The following ARHGAP20 variants were observed in gnomAD, a reference collection of about 807,000 sequenced individuals.
ARHGAP20 encodes rho GTPase-activating protein 20.
A neutral mutation model predicts 73.7 loss-of-function variants in ARHGAP20; 34 were observed. That is an observed-to-expected ratio of 0.46 (90% CI 0.35 to 0.61). ARHGAP20 has a LOEUF of 0.61. ARHGAP20 is among the 20% of genes least tolerant of loss of function. The pLI is 0.00. For synonymous variants in ARHGAP20, 523 were observed against 518.2 expected, an observed-to-expected ratio of 1.01 and a Z score of -0.13; for missense variants, 1,314 against 1,420.9, an observed-to-expected ratio of 0.92 and a Z score of 1.21.
intron 4 of ARHGAP20, among the ~76,000 whole-genome samples, chr11:110,617,893 T>A (rs750366824): frequency 1.5e-4 from 23 of 152,114 alleles, no homozygotes; most frequent in Non-Finnish European, 1.6e-4. Context: ...AAAAAGGGCA[T>A]GGCAGATTAG....
intron 1 of ARHGAP20, among the ~76,000 whole-genome samples, chr11:110,693,256 C>A (rs1320638522): frequency 6.6e-6 from 1 of 151,854 alleles, no homozygotes; most frequent in African/African-American, 2.4e-5. Context: ...AAACTACCAG[C>A]AGGTAGTTTG....
chr11:110,642,797 TGTAGAATGACTTAGGGA>T (rs1949103507), intron 2 of ARHGAP20, among the ~76,000 whole-genome samples: 1 of 152,096 alleles, frequency 6.6e-6, no homozygotes, highest in Admixed American at 6.6e-5. Context: ...ATGCTGGCTT[TGTAGAATGACTTAGGGA>T]GTCCCTCCTC....
chr11:110,705,440 T>A (rs1481039172), intron 1 of ARHGAP20, among the ~76,000 whole-genome samples: 1 of 152,200 alleles, frequency 6.6e-6, no homozygotes, highest in Non-Finnish European at 1.5e-5. Flanking sequence ...TATTTAGGTA[T>A]CTATGACTTG....
chr11:110,611,527 C>G, intron 6 of ARHGAP20, 141 bp from the exon 7 acceptor site: 1 of 460,748 alleles, frequency 2.2e-6, no homozygotes, highest in Non-Finnish European at 3.8e-6. Context: ...TTAGGTAGAA[C>G]ACAAACCTTT....
chr11:110,608,861 AAC>A lies in ARHGAP20; in HGVS notation c.775+121_775+122del, dbSNP rs1256997130. The A allele has an allele frequency of 3.2e-5, 24 of 741,074 alleles. No homozygotes were observed. In the African/African-American group the frequency reaches 3.9e-4, roughly 12 times the overall value. 45.9% of individuals were successfully genotyped at this position (741,074 alleles called of 1,614,324 possible). On this transcript the variant is annotated intron_variant, in intron 8 of 14. Transcript: ENST00000683387. ...ATCTTTGATAGATCTTTATTAAATGAACACCATGAAATTTCATATTTAATAGT... is the reference window on the plus strand; with the variant it reads ...ATCTTTGATAGATCTTTATTAAATGAACCATGAAATTTCATATTTAATAGT...
At chr11:110,652,544 G>A (rs1335773880) in intron 2 of ARHGAP20, among the ~76,000 whole-genome samples, 1 of 151,972 alleles carries the variant, frequency 6.6e-6, no homozygotes, top group Non-Finnish European at 1.5e-5. Context: ...AAGTCTTCAG[G>A]ATATAAAATA....
chr11:110,630,817 T>C, intron 2 of ARHGAP20, 25 bp from the exon 3 acceptor site: 1 of 1,604,554 alleles, frequency 6.2e-7, no homozygotes, highest in Non-Finnish European at 8.5e-7. Context: ...ATGCCACAGA[T>C]CAGTCAAACG....
At chr11:110,689,343 C>T (rs1222444035) in intron 2 of ARHGAP20, among the ~76,000 whole-genome samples, 1 of 151,848 alleles carries the variant, frequency 6.6e-6, no homozygotes, top group Non-Finnish European at 1.5e-5. Flanking sequence ...GTTGGTGAAG[C>T]CTTCACTTTA....
chr11:110,584,910 T>TATATATGA (rs1287369317), intron 12 of ARHGAP20, among the ~76,000 whole-genome samples: 2 of 149,442 alleles, frequency 1.3e-5, no homozygotes, highest in African/African-American at 4.9e-5. Flanking sequence ...TATGTGAATA[T>TATATATGA]ATATATGAAT....
Position 110,579,255 on chromosome 11 carries a change from A to G in ARHGAP20, c.*115T>C, listed in dbSNP as rs1476398050. 9 of 1,438,470 alleles carry G rather than the reference A, an allele frequency of 6.3e-6. No homozygotes were observed. The highest frequency in any genetic ancestry group is 2.2e-4 in the Middle Eastern group (1 of 4,484). The allele number at this position is 1,438,470 out of a possible 1,614,324, so 89.1% of individuals were successfully genotyped here. ...TATTTCGTTGTCCTAAGTATTAGCA[A>G]TGATAATCCTTATGCTACCTCTCCC... On this transcript the variant is annotated 3_prime_UTR_variant, in exon 15 of 15. Coordinates refer to ENST00000683387, the MANE Select transcript of ARHGAP20 (RefSeq NM_001384657.1).
At chr11:110,690,998 T>A in intron 1 of ARHGAP20, 1 of 1,528,230 alleles carries the variant, frequency 6.5e-7, no homozygotes, top group Non-Finnish European at 8.8e-7. Flanking sequence ...CAAAATGTCA[T>A]CCGGGTAGAT....
intron 2 of ARHGAP20, among the ~76,000 whole-genome samples, chr11:110,644,351 A>G (rs1184396341): frequency 6.6e-6 from 1 of 152,204 alleles, no homozygotes; most frequent in Non-Finnish European, 1.5e-5. Context: ...TAGTCAAAGC[A>G]ATCCTAAGTA....
intron 2 of ARHGAP20, among the ~76,000 whole-genome samples, chr11:110,659,454 A>G (rs1235884294): frequency 4.0e-5 from 6 of 151,102 alleles, no homozygotes; most frequent in Non-Finnish European, 8.8e-5. Flanking sequence ...TAGATTCTGG[A>G]TATTAGCCCT....
At chr11:110,616,315 ATAATT>A in intron 4 of ARHGAP20, among the ~76,000 whole-genome samples, 1 of 152,342 alleles carries the variant, frequency 6.6e-6, no homozygotes, top group Non-Finnish European at 1.5e-5. Flanking sequence ...CAGATTAAAA[ATAATT>A]TAAAGTTTAT....
At chr11:110,582,190 C>T (rs1045885141) in intron 14 of ARHGAP20, 131 bp downstream of exon 14, 2 of 742,384 alleles carry the variant, frequency 2.7e-6, no homozygotes, top group South Asian at 1.5e-5. Context: ...AAGCCCTGGG[C>T]CCCATTGACC....
At chr11:110,704,223 G>C (rs1273562388) in intron 1 of ARHGAP20, among the ~76,000 whole-genome samples, 2 of 152,174 alleles carry the variant, frequency 1.3e-5, no homozygotes, top group African/African-American at 4.8e-5. Context: ...GTAGGGATAG[G>C]AGAGGAAATA....
chr11:110,605,728 A>T (rs904513665), intron 9 of ARHGAP20, among the ~76,000 whole-genome samples: 3 of 152,216 alleles, frequency 2.0e-5, no homozygotes, highest in African/African-American at 4.8e-5. Flanking sequence ...ATAATCTGTC[A>T]AGTGGCAGGA....
At chr11:110,632,594 G>A (rs1268413339) in intron 2 of ARHGAP20, among the ~76,000 whole-genome samples, 3 of 152,054 alleles carry the variant, frequency 2.0e-5, no homozygotes, top group African/African-American at 7.2e-5. Flanking sequence ...TAGTAGAGAT[G>A]GGGTTTTGCC....
At chr11:110,688,895 T>C (rs76725262) in intron 2 of ARHGAP20, among the ~76,000 whole-genome samples, 3,819 of 152,260 alleles carry the variant, frequency 0.025, 147 homozygotes, top group African/African-American at 0.081. Flanking sequence ...GAACTTGCTA[T>C]GTGCTCGGAA....
Sources: gnomAD v4.1 joint callset for allele counts (sites outside exome capture counted in the v4.1 genomes callset) on GRCh38, gnomAD v4.1.1 for gene constraint, MANE v1.5 for transcripts, NCBI Gene and HGNC (gene_info 2026-07-23, HGNC 2026-07-21) for gene names.